DNMT1: variants seen among roughly 807,000 people sequenced by gnomAD.
DNMT1 encodes the protein DNA (cytosine-5)-methyltransferase 1.
A neutral mutation model predicts 205.3 loss-of-function variants in DNMT1; 24 were observed. The ratio of observed to expected loss-of-function variants is 0.12; its 90% CI spans 0.08 to 0.16. The LOEUF is 0.16. Among genes scored for constraint, DNMT1 ranks in the 10% least tolerant of loss-of-function variants. The pLI is 1.00. For missense variants in DNMT1, 1,293 were observed against 2,177.7 expected (o/e 0.59, Z 8.09); for synonymous variants, 817 against 839.8 (o/e 0.97, Z 0.47).
chr19:10,136,577 A>G (rs1417240041), intron 37 of DNMT1, among the ~76,000 whole-genome samples: 1 of 151,858 alleles, frequency 6.6e-6, no homozygotes, highest in African/African-American at 2.4e-5. Flanking sequence ...CTGGGATTAT[A>G]GGCGTGCGAC....
chr19:10,147,793 A>T (rs1290405083), intron 27 of DNMT1, among the ~76,000 whole-genome samples: 6 of 151,930 alleles, frequency 3.9e-5, no homozygotes, highest in Non-Finnish European at 8.8e-5. Context: ...GGAGGTTAAA[A>T]AGAAGGCATG....
rs765837533 is a variant in DNMT1, at chr19:10,156,443, G to A, written c.1347C>T (p.Leu449=). 1 of 1,613,264 alleles carries A rather than the reference G, an allele frequency of 6.2e-7. No homozygotes were observed. Among genetic ancestry groups the A allele is most frequent in the Non-Finnish European group, 8.5e-7 (1 of 1,179,526 alleles). The change falls in exon 18 of 41, where the codon CTC becomes CTT. Residue 449 remains leucine, a synonymous_variant. Transcript: ENST00000359526. The surrounding 1 kb of genome is among the most constrained non-coding windows in gnomAD (Gnocchi z 4.2). ...DTGLIEKNIE[L]FFSGSAKPIY... ...TTGGTTTTGCTGAACCAGAAAAGAA[G>A]AGTTCGATATTCTTCTCGATGAGGC...
chr19:10,160,175 C>T, intron 14 of DNMT1, 112 bp from the exon 15 acceptor site: 1 of 1,583,766 alleles, frequency 6.3e-7, no homozygotes, highest in Non-Finnish European at 8.6e-7. Flanking sequence ...GAGGCACCGG[C>T]TGTGGCAGTG....
chr19:10,172,103 C>T lies in DNMT1; in HGVS notation c.768+987G>A, dbSNP rs1340243304. Among the ~76,000 whole-genome samples the T allele has an allele frequency of 2.0e-5, 3 of 151,874 alleles. No homozygotes were observed. The East Asian group carries it at 5.8e-4, about 29-fold the overall frequency. ...CATAACCCACCTTCCATGTAGAGAA[C>T]TACAAAAAAATAAGTTTGAAAAGTA... On this transcript the variant is annotated intron_variant, in intron 9 of 40. Transcript: ENST00000359526.
At chr19:10,177,496 T>C (rs2038958725) in intron 5 of DNMT1, 129 bp from the exon 6 acceptor site, 3 of 886,578 alleles carry the variant, frequency 3.4e-6, no homozygotes, top group South Asian at 1.6e-5. Context: ...TAAGCATCTT[T>C]GCATTTTTAT....
At chr19:10,166,796 G>A in intron 10 of DNMT1, 111 bp from the exon 11 acceptor site, 1 of 1,151,358 alleles carries the variant, frequency 8.7e-7, no homozygotes. Flanking sequence ...TCAGAGGACA[G>A]GCTGCCTCTC....
chr19:10,174,644 T>G (rs1599388892), intron 7 of DNMT1, among the ~76,000 whole-genome samples: 2 of 151,316 alleles, frequency 1.3e-5, no homozygotes, highest in African/African-American at 2.4e-5. Flanking sequence ...GAGGCGGAGG[T>G]TGCAGTGAGC....
rs1435158234 is a variant in DNMT1 at position 10,146,782 on chromosome 19, G to A, written c.2721-258C>T. ...GAGACAAAAACCCTAAGATATCAAT[G>A]AACAGGGTCTAGAATATGGTTAAGA... On this transcript the variant is annotated intron_variant, in intron 27 of 40. Transcript: ENST00000359526. This position sits in a 1 kb window ranked among gnomAD's most constrained non-coding sequence, Gnocchi z 4.4. Among the ~76,000 whole-genome samples the A allele has an allele frequency of 6.6e-6, 1 of 152,174 alleles. No homozygotes were observed. The highest frequency in any genetic ancestry group is 1.5e-5 in the Non-Finnish European group (1 of 68,026).
intron 19 of DNMT1, among the ~76,000 whole-genome samples, chr19:10,155,445 C>T (rs1031184725): frequency 6.6e-6 from 1 of 152,010 alleles, no homozygotes; most frequent in Non-Finnish European, 1.5e-5. Flanking sequence ...TCACGTGATT[C>T]TCCTGCCATA....
rs748583956 is a variant in DNMT1 at position 10,140,899 on chromosome 19, C to T, written c.3405G>A (p.Lys1135=). Residue 1135 remains lysine (K), a synonymous_variant, in exon 32 of 41, where the codon AAG becomes AAA. Coordinates refer to ENST00000359526, the MANE Select transcript of DNMT1 (RefSeq NM_001130823.3). This position sits in a 1 kb window ranked among gnomAD's most constrained non-coding sequence, Gnocchi z 8.4. ...TCGGCTCACAGGCTTGGGACTTGGG[C>T]TTGCCCTTCCCTGGGGGAGAGAGGC... is the stretch of plus-strand genomic sequence containing the variant. The part of the protein sequence containing the change: ...KGKGKGKGKG[K]PKSQACEPSE... 5.6e-6 allele frequency: 9 copies of T among 1,614,056 alleles called. No homozygotes were observed. The highest frequency in any genetic ancestry group is 7.6e-6 in the Non-Finnish European group (9 of 1,180,034).
chr19:10,165,599 G>C (rs960278497), intron 11 of DNMT1, among the ~76,000 whole-genome samples: 7 of 151,894 alleles, frequency 4.6e-5, no homozygotes, highest in Admixed American at 1.3e-4. Context: ...CACCATGTTG[G>C]CCTGGCTGGT....
At chr19:10,188,150 G>A (rs759254561) in intron 1 of DNMT1, among the ~76,000 whole-genome samples, 7 of 151,890 alleles carry the variant, frequency 4.6e-5, no homozygotes, top group Non-Finnish European at 8.8e-5. Context: ...AGTGGACCAT[G>A]CAAGACAAGT....
chr19:10,183,050 T>A (rs1429749447), intron 1 of DNMT1, among the ~76,000 whole-genome samples: 3 of 150,808 alleles, frequency 2.0e-5, no homozygotes, highest in Non-Finnish European at 4.4e-5. Flanking sequence ...TATATGTGTA[T>A]ACATACGTAT....
chr19:10,171,454 C>G (rs556819118), intron 9 of DNMT1, among the ~76,000 whole-genome samples: 1 of 151,660 alleles, frequency 6.6e-6, no homozygotes, highest in Non-Finnish European at 1.5e-5. Flanking sequence ...GTGGACCGTT[C>G]GAGGTCAGCA....
rs777991981 is a variant in DNMT1, at chr19:10,139,781, C to G, written c.3843G>C (p.Leu1281=). 6.2e-7 allele frequency: 1 copy of G among 1,602,226 alleles called. No individual in the cohort carries two copies. The highest frequency in any genetic ancestry group is 1.1e-5 in the South Asian group (1 of 89,066). Residue 1281 remains leucine (L), a synonymous_variant, in exon 34 of 41, where the codon CTG becomes CTC. Transcript: ENST00000359526. The stretch of plus-strand genomic sequence containing the variant: ...AGGAGACAAAGTTCCTGACATTCTC[C>G]AGGAGGAAGAACCGGGGCCGGTAGT... ...CDYYRPRFFL[L]ENVRNFVSFK...
intron 28 of DNMT1, among the ~76,000 whole-genome samples, chr19:10,145,724 C>T (rs1459398873): frequency 2.0e-5 from 3 of 152,256 alleles, no homozygotes; most frequent in Non-Finnish European, 4.4e-5. Context: ...AGATCCCACT[C>T]TCCCACTTCA....
chr19:10,140,993 C>T lies in DNMT1; in HGVS notation c.3395-84G>A. The T allele has an allele frequency of 1.2e-6, 2 of 1,613,248 alleles. No individual in the cohort carries two copies. The highest frequency in any genetic ancestry group is 8.5e-7 in the Non-Finnish European group (1 of 1,179,632). On this transcript the variant is annotated intron_variant, in intron 31 of 40. Transcript: ENST00000359526. The surrounding 1 kb of genome is among the most constrained non-coding windows in gnomAD (Gnocchi z 8.4). ...TCAAGCGCCTTGTTAACTCAGGCGGCCTCGCTGTCCCAGAGTCAGTAACAC... is the reference window on the plus strand; with the variant it reads ...TCAAGCGCCTTGTTAACTCAGGCGGTCTCGCTGTCCCAGAGTCAGTAACAC...
rs555899750 is a variant in DNMT1 at position 10,151,565 on chromosome 19, ACCTAAG to A, written c.2118-26_2118-21del. ...GGACACCTGCAATGTCACTGGTTAT[ACCTAAG>A]GCCCCTTTTCTAAGTAAGACCAACC... On this transcript the variant is annotated intron_variant, in intron 23 of 40. Transcript: ENST00000359526. This position sits in a 1 kb window ranked among gnomAD's most constrained non-coding sequence, Gnocchi z 5.0. 2,153 of 1,613,124 alleles carry A rather than the reference ACCTAAG, an allele frequency of 1.3e-3. 33 individuals are homozygous for A. The South Asian group carries it at 0.022, about 16-fold the overall frequency.
In DNMT1 at chr19:10,154,171, C is replaced by T; in HGVS notation, c.2019+122G>A. On this transcript the variant is annotated intron_variant, in intron 22 of 40. Transcript: ENST00000359526. This position sits in a 1 kb window ranked among gnomAD's most constrained non-coding sequence, Gnocchi z 6.3. ...TCCCAGACCACTAACTAATTTCTGT[C>T]TCAGGGGTCACATTTGAGCAGCCAG... 1 of 1,044,900 alleles carries T rather than the reference C, an allele frequency of 9.6e-7. No homozygotes were observed. Among genetic ancestry groups the T allele is most frequent in the Non-Finnish European group, 1.5e-6 (1 of 675,062 alleles). 64.7% of individuals were successfully genotyped at this position (1,044,900 alleles called of 1,614,324 possible).
Sources: allele counts gnomAD v4.1 joint callset (sites outside exome capture counted in the v4.1 genomes callset), GRCh38; gene constraint gnomAD v4.1.1; non-coding constraint Gnocchi (gnomAD v3.1); transcripts MANE v1.5; gene names NCBI Gene and HGNC (gene_info 2026-07-23, HGNC 2026-07-21).